SCHIP1: variants seen among roughly 807,000 people sequenced by gnomAD.
SCHIP1 encodes the protein schwannomin interacting protein 1.
Under a neutral mutation model 29.7 loss-of-function variants are expected in SCHIP1, and 8 were observed. The ratio of observed to expected loss-of-function variants is 0.27; its 90% confidence interval spans 0.16 to 0.49. The LOEUF is 0.49. Ranked by LOEUF, SCHIP1 falls within the 20% of genes least tolerant of loss-of-function variation. The pLI, the probability that SCHIP1 is intolerant of heterozygous loss-of-function variation, is 0.99. For synonymous variants in SCHIP1, 76 were observed against 94.9 expected (o/e 0.80, Z 1.16); for missense variants, 193 against 294.6 (o/e 0.66, Z 2.52).
intron 1 of SCHIP1, among the ~76,000 whole-genome samples, chr3:159,843,664 A>G (rs1270651704): frequency 1.3e-5 from 2 of 151,838 alleles, no homozygotes; most frequent in African/African-American, 4.8e-5. Flanking sequence ...ACTAAAAAAA[A>G]TACAAAAAAT....
chr3:159,414,569 T>C, the SCHIP1 span, among the ~76,000 whole-genome samples: 1 of 152,200 alleles, frequency 6.6e-6, no homozygotes, highest in Non-Finnish European at 1.5e-5. Context: ...CCTTGTAGTA[T>C]TGCTATATTA....
At chr3:159,625,747 CCAA>C in the SCHIP1 span, among the ~76,000 whole-genome samples, 1 of 151,962 alleles carries the variant, frequency 6.6e-6, no homozygotes, top group Non-Finnish European at 1.5e-5. Context: ...TCCTTAACTC[CCAA>C]CTTATCCCCA....
the SCHIP1 span, among the ~76,000 whole-genome samples, chr3:159,738,055 AAAGTT>A: frequency 4.6e-5 from 7 of 152,322 alleles, no homozygotes; most frequent in Middle Eastern, 6.8e-3. Flanking sequence ...TCTGGAAGGT[AAAGTT>A]AAGTTTTTGA....
chr3:159,665,327 G>A, the SCHIP1 span, among the ~76,000 whole-genome samples: 1 of 152,042 alleles, frequency 6.6e-6, no homozygotes, highest in Non-Finnish European at 1.5e-5. Context: ...TTCGTTTCTA[G>A]TAACAACAAA....
At chr3:159,496,180 G>C in the SCHIP1 span, among the ~76,000 whole-genome samples, 2 of 152,184 alleles carry the variant, frequency 1.3e-5, no homozygotes, top group African/African-American at 2.4e-5. Flanking sequence ...ATACCATTCA[G>C]GACATAGGCA....
At chr3:159,825,749 G>T in the SCHIP1 span, among the ~76,000 whole-genome samples, 1 of 151,922 alleles carries the variant, frequency 6.6e-6, no homozygotes, top group Non-Finnish European at 1.5e-5. Context: ...GCAAATCAAC[G>T]TTACAAATCC....
chr3:159,466,857 A>T, the SCHIP1 span, among the ~76,000 whole-genome samples: 1 of 152,130 alleles, frequency 6.6e-6, no homozygotes, highest in Non-Finnish European at 1.5e-5. Flanking sequence ...CTAGGTTAAT[A>T]CCAACATTAG....
chr3:159,772,518 C>G, the SCHIP1 span, among the ~76,000 whole-genome samples: 298 of 152,272 alleles, frequency 2.0e-3, 1 homozygote, highest in African/African-American at 6.9e-3. Context: ...ATCTTAAGTC[C>G]TCCCTCCCCC....
chr3:159,583,319 T>TCCTGTC, the SCHIP1 span, among the ~76,000 whole-genome samples: 2 of 152,126 alleles, frequency 1.3e-5, no homozygotes, highest in Non-Finnish European at 2.9e-5. Flanking sequence ...CAATCTGACT[T>TCCTGTC]CCTGTCAGTG....
the SCHIP1 span, among the ~76,000 whole-genome samples, chr3:159,493,658 C>A: frequency 6.6e-6 from 1 of 150,750 alleles, no homozygotes; most frequent in Non-Finnish European, 1.5e-5. Flanking sequence ...TAATGGGAGA[C>A]TTTAACACCC....
chr3:159,680,518 T>G, the SCHIP1 span, among the ~76,000 whole-genome samples: 1 of 119,444 alleles, frequency 8.4e-6, no homozygotes, highest in African/African-American at 3.3e-5. Context: ...AAAAAAAAAA[T>G]ATATATATAT....
the SCHIP1 span, among the ~76,000 whole-genome samples, chr3:159,561,462 C>G: frequency 1.3e-5 from 2 of 152,158 alleles, no homozygotes; most frequent in Admixed American, 1.3e-4. Flanking sequence ...ATATAATGTG[C>G]TGGGACATTT....
chr3:159,805,356 G>A, the SCHIP1 span, among the ~76,000 whole-genome samples: 2 of 152,236 alleles, frequency 1.3e-5, no homozygotes, highest in Middle Eastern at 3.4e-3. Context: ...GGAAAGCATC[G>A]GCTCTAGAAT....
At chr3:159,660,781 G>T in the SCHIP1 span, among the ~76,000 whole-genome samples, 1 of 152,140 alleles carries the variant, frequency 6.6e-6, no homozygotes, top group Non-Finnish European at 1.5e-5. Flanking sequence ...GAGTCAATCC[G>T]TAAATTATCT....
the SCHIP1 span, among the ~76,000 whole-genome samples, chr3:159,748,363 G>A: frequency 1.3e-5 from 2 of 152,174 alleles, no homozygotes; most frequent in African/African-American, 2.4e-5. Context: ...TAGTACTAAT[G>A]TAAAGTTTCC....
the SCHIP1 span, among the ~76,000 whole-genome samples, chr3:159,639,595 C>T: frequency 9.2e-5 from 14 of 152,134 alleles, no homozygotes; most frequent in Admixed American, 5.9e-4. Flanking sequence ...TGCTAGAGTT[C>T]CAGCAGTAAA....
At chr3:159,345,554 T>TC in the SCHIP1 span, among the ~76,000 whole-genome samples, 795 of 93,508 alleles carry the variant, frequency 8.5e-3, 4 homozygotes, top group African/African-American at 0.013. Flanking sequence ...GTGTCTCTCT[T>TC]TCTCTCTCTC....
At chr3:159,557,221 A>G in the SCHIP1 span, among the ~76,000 whole-genome samples, 2 of 152,140 alleles carry the variant, frequency 1.3e-5, no homozygotes, top group Non-Finnish European at 2.9e-5. Context: ...CCTCCCAAAA[A>G]AAAGATTCTT....
chr3:159,611,166 T>C, the SCHIP1 span, among the ~76,000 whole-genome samples: 3 of 152,160 alleles, frequency 2.0e-5, no homozygotes, highest in Non-Finnish European at 4.4e-5. Flanking sequence ...TTACAAACTC[T>C]GTGTAGATAA....
Sources: allele counts gnomAD v4.1 joint callset (sites outside exome capture counted in the v4.1 genomes callset), GRCh38; gene constraint gnomAD v4.1.1; transcripts MANE v1.5; gene names NCBI Gene and HGNC (gene_info 2026-07-23, HGNC 2026-07-21).